Variants in RAPH1 observed in about 807,000 individuals in gnomAD.
RAPH1 encodes the protein ras-associated and pleckstrin homology domains-containing protein 1.
A neutral mutation model predicts 88.1 loss-of-function variants in RAPH1; 18 were observed. That is an observed-to-expected ratio of 0.20 (90% CI 0.14 to 0.30). RAPH1 has a LOEUF of 0.30. Among genes scored for constraint, RAPH1 ranks in the 10% least tolerant of loss-of-function variants. RAPH1 has a pLI of 1.00. For missense variants in RAPH1, 1,448 were observed against 1,543.2 expected (o/e 0.94, Z 1.03); for synonymous variants, 587 against 559.0 (o/e 1.05, Z -0.71).
chr2:203,504,352 T>A (rs1250005235), intron 1 of RAPH1, among the ~76,000 whole-genome samples: 5 of 152,230 alleles, frequency 3.3e-5, no homozygotes, highest in Non-Finnish European at 7.3e-5. Flanking sequence ...ACCCGCAGGC[T>A]CAACACCACA....
chr2:203,479,394 A>G (rs1355084796), intron 4 of RAPH1, among the ~76,000 whole-genome samples: 1 of 152,174 alleles, frequency 6.6e-6, no homozygotes, highest in Non-Finnish European at 1.5e-5. Context: ...ACTTGAGGTC[A>G]GGAGTTCAAG....
In RAPH1 at chr2:203,506,877, T is replaced by TAG. The variant is rs1167666934; in HGVS notation, c.1-11525_1-11524insCT. Among the ~76,000 whole-genome samples the TAG allele has an allele frequency of 3.9e-4, 36 of 93,374 alleles. 2 individuals are homozygous for TAG. The highest frequency in any genetic ancestry group is 1.1e-3 in the South Asian group (4 of 3,678). 61.3% of individuals were successfully genotyped at this position (93,374 alleles called of 152,430 possible). A position where few individuals can be genotyped will look rare whatever the true frequency, so the allele number is the denominator to read the frequency against. ...ATATCTATATATATATATATATATA[T>TAG]ATAGATATATATATATATATATTTT... On this transcript the variant is annotated intron_variant, in intron 1 of 13. Coordinates refer to ENST00000319170, the MANE Select transcript of RAPH1 (RefSeq NM_213589.3).
rs1407885974 is a variant in RAPH1 at position 203,440,360 on chromosome 2, G to A, written c.2830C>T (p.Pro944Ser). 46 of 1,604,664 alleles carry A rather than the reference G, an allele frequency of 2.9e-5. No individual in the cohort carries two copies. Among genetic ancestry groups the A allele is most frequent in the Non-Finnish European group, 3.7e-5 (43 of 1,174,480 alleles). Residue 944 changes from proline (P) to serine (S), a missense_variant, in exon 14 of 14, where the codon CCC becomes TCC. Physicochemically the swap from Pro to Ser is moderately conservative, Grantham distance 74 (BLOSUM62 -1). This residue lies in a region of RAPH1 where 935 missense variants were observed against 890.1 expected (regional missense o/e 1.05). Coordinates refer to ENST00000319170, the MANE Select transcript of RAPH1 (RefSeq NM_213589.3). ...PVPAPPPPPP[P>S]TASPTPDKSG... ...TTGTCAGGGGTAGGAGAAGCTGTGG[G>A]TGGAGGTGGTGGTGGTGGGGCTGGG... is the stretch of plus-strand genomic sequence containing the variant.
At position 203,441,229 on chromosome 2, in the gene RAPH1, G is replaced by T; in HGVS notation, c.1961C>A (p.Ala654Glu). 1 of 1,496,390 alleles carries T rather than the reference G, an allele frequency of 6.7e-7. No individual in the cohort carries two copies. The highest frequency in any genetic ancestry group is 9.0e-7 in the Non-Finnish European group (1 of 1,105,216). The allele number at this position is 1,496,390 out of a possible 1,614,324, so 92.7% of individuals were successfully genotyped here. A position where few individuals can be genotyped will look rare whatever the true frequency, so the allele number is the denominator to read the frequency against. ...PPPPPLPSQS[A>E]PSAGSAAPMF... ...TGGGGCTGCTGAGCCTGCAGAAGGT[G>T]CAGACTGGCTGGGGAGTGGGGGAGG... is the stretch of plus-strand genomic sequence containing the variant. The change falls in exon 14 of 14, where the codon GCA becomes GAA. Residue 654 changes from alanine (A) to glutamate (E), a missense_variant. Around this residue, in one of 2 missense-constraint regions of RAPH1, gnomAD observed 935 missense variants for 890.1 expected, o/e 1.05. Transcript: ENST00000319170.
rs2098499953 is a variant in RAPH1 at position 203,438,136 on chromosome 2, C to CAAT, written c.*1300_*1301insATT. 1 of 518,662 alleles carries CAAT rather than the reference C, an allele frequency of 1.9e-6. No individual in the cohort carries two copies. Among genetic ancestry groups the CAAT allele is most frequent in the Non-Finnish European group, 3.8e-6 (1 of 259,834 alleles). The allele number at this position is 518,662 out of a possible 1,614,324, so 32.1% of individuals were successfully genotyped here. On this transcript the variant is annotated 3_prime_UTR_variant, in exon 14 of 14. Coordinates refer to ENST00000319170, the MANE Select transcript of RAPH1 (RefSeq NM_213589.3). Reference sequence around the variant, plus strand: ...TGGACTGTCCCACTCCATCAGAACACCTAGTAACCTGAACTAATCACAACC... The same window carrying CAAT: ...TGGACTGTCCCACTCCATCAGAACACAATCTAGTAACCTGAACTAATCACAACC...
At chr2:203,492,691 C>T (rs1046456063) in intron 2 of RAPH1, among the ~76,000 whole-genome samples, 1 of 151,784 alleles carries the variant, frequency 6.6e-6, no homozygotes, top group Non-Finnish European at 1.5e-5. Context: ...TGTTTTAAAA[C>T]TTTAATTTAT....
chr2:203,442,189 T>C, intron 13 of RAPH1: 1 of 1,146,494 alleles, frequency 8.7e-7, no homozygotes, highest in Non-Finnish European at 1.2e-6. Flanking sequence ...AAGGCTAGAA[T>C]AAAGAAAATG....
chr2:203,478,621 C>T (rs1428537266), intron 4 of RAPH1, among the ~76,000 whole-genome samples: 1 of 152,084 alleles, frequency 6.6e-6, no homozygotes, highest in Non-Finnish European at 1.5e-5. Flanking sequence ...TCCTGAGTAG[C>T]TGGGATTACA....
chr2:203,443,684 TAAAG>T (rs1251445393), intron 13 of RAPH1: 2 of 147,176 alleles, frequency 1.4e-5, no homozygotes, highest in Admixed American at 6.7e-5. Flanking sequence ...AATTAACCAA[TAAAG>T]AAATAACTGG....
chr2:203,481,902 A>G (rs991479663), intron 4 of RAPH1, among the ~76,000 whole-genome samples: 7 of 151,612 alleles, frequency 4.6e-5, no homozygotes, highest in Non-Finnish European at 7.4e-5. Context: ...GCACCAGGCC[A>G]CATGAATATA....
At chr2:203,483,881 T>C (rs28587132) in intron 4 of RAPH1, among the ~76,000 whole-genome samples, 1 of 152,180 alleles carries the variant, frequency 6.6e-6, no homozygotes, top group Non-Finnish European at 1.5e-5. Flanking sequence ...GCAGCCTCCC[T>C]TGGGTACCCA....
intron 1 of RAPH1, among the ~76,000 whole-genome samples, chr2:203,529,295 T>C (rs1296832776): frequency 6.6e-6 from 1 of 151,848 alleles, no homozygotes; most frequent in East Asian, 2.0e-4. Flanking sequence ...TTTAACCTAA[T>C]ACTTTTCTTC....
At position 203,439,288 on chromosome 2, in the gene RAPH1, G is replaced by C; in HGVS notation, c.*149C>G. ...ACACACTGTACAGCTGTGTGTACATGCACGTGTACACACACACATACACAT... is the reference window on the plus strand; with the variant it reads ...ACACACTGTACAGCTGTGTGTACATCCACGTGTACACACACACATACACAT... On this transcript the variant is annotated 3_prime_UTR_variant, in exon 14 of 14. Coordinates refer to ENST00000319170, the MANE Select transcript of RAPH1 (RefSeq NM_213589.3). 3.1e-6 allele frequency: 2 copies of C among 655,688 alleles called. No individual in the cohort carries two copies. The highest frequency in any genetic ancestry group is 5.3e-6 in the Non-Finnish European group (2 of 377,298). 40.6% of individuals were successfully genotyped at this position (655,688 alleles called of 1,614,324 possible).
intron 1 of RAPH1, among the ~76,000 whole-genome samples, chr2:203,530,998 C>T (rs1033291351): frequency 6.6e-6 from 1 of 151,974 alleles, no homozygotes; most frequent in African/African-American, 2.4e-5. Flanking sequence ...AAGGACAGTC[C>T]TTTCAACAAA....
intron 12 of RAPH1, 157 bp downstream of exon 12, chr2:203,447,801 TC>T (rs1483349675): frequency 7.7e-6 from 5 of 650,706 alleles, no homozygotes; most frequent in African/African-American, 3.7e-5. Context: ...TACTGTACCC[TC>T]TAGCAATTTT....
chr2:203,467,126 G>A (rs1273041668), intron 4 of RAPH1, among the ~76,000 whole-genome samples: 1 of 152,172 alleles, frequency 6.6e-6, no homozygotes, highest in Admixed American at 6.5e-5. Context: ...AAATAGCACT[G>A]CTTAGAATCA....
At chr2:203,505,922 T>C (rs1688971334) in intron 1 of RAPH1, among the ~76,000 whole-genome samples, 1 of 152,236 alleles carries the variant, frequency 6.6e-6, no homozygotes, top group Non-Finnish European at 1.5e-5. Flanking sequence ...ATTTAGTTAT[T>C]TTTGCAGACA....
chr2:203,447,181 CTTTTTTTT>C (rs1161851720), intron 12 of RAPH1: 8 of 128,036 alleles, frequency 6.2e-5, no homozygotes, highest in Non-Finnish European at 1.3e-4. Flanking sequence ...TCTTTTCTTT[CTTTTTTTT>C]TTTTTTTTTT....
chr2:203,450,837 C>G (rs1226155996), intron 10 of RAPH1, among the ~76,000 whole-genome samples: 7 of 151,716 alleles, frequency 4.6e-5, no homozygotes, highest in Non-Finnish European at 1.0e-4. Flanking sequence ...CATAGGTGTT[C>G]AACTGTAGCA....
Sources: gnomAD v4.1 joint callset for allele counts (sites outside exome capture counted in the v4.1 genomes callset) on GRCh38, gnomAD v4.1.1 for gene constraint, gnomAD v4.1.1 regional missense constraint, MANE v1.5 for transcripts, NCBI Gene and HGNC (gene_info 2026-07-23, HGNC 2026-07-21) for gene names.